The following MTUS2 variants were observed in gnomAD, a reference collection of about 807,000 sequenced individuals.
MTUS2 encodes microtubule-associated tumor suppressor candidate 2.
In MTUS2, 40 loss-of-function variants were observed where a neutral mutation model predicts 114.1. The observed-to-expected ratio is 0.35, with a 90% CI of 0.27 to 0.46. The LOEUF (loss-of-function observed/expected upper bound fraction) is 0.46. Ranked by LOEUF, MTUS2 falls within the 20% of genes least tolerant of loss-of-function variation. The pLI is 1.00. For synonymous variants in MTUS2, 688 were observed against 672.0 expected, an observed-to-expected ratio of 1.02 and a Z score of -0.37; for missense variants, 1,679 against 1,705.4, an observed-to-expected ratio of 0.98 and a Z score of 0.27.
chr13:29,068,003 A>T (rs1036872829), intron 4 of MTUS2, among the ~76,000 whole-genome samples: 2 of 152,198 alleles, frequency 1.3e-5, no homozygotes, highest in African/African-American at 4.8e-5. Flanking sequence ...CCACTGTTTT[A>T]CTTAATTTTA....
intron 2 of MTUS2, among the ~76,000 whole-genome samples, chr13:28,944,698 A>T (rs1430579054): frequency 6.6e-6 from 1 of 152,120 alleles, no homozygotes; most frequent in African/African-American, 2.4e-5. Flanking sequence ...GAAAATTGGA[A>T]CTCATCCTTG....
intron 6 of MTUS2, among the ~76,000 whole-genome samples, chr13:29,297,873 A>G (rs1003161043): frequency 3.3e-5 from 4 of 122,574 alleles, no homozygotes; most frequent in Middle Eastern, 4.5e-3. Context: ...ATGTGTACAC[A>G]CATACACACA....
At chr13:29,050,087 C>T (rs940389545) in intron 4 of MTUS2, among the ~76,000 whole-genome samples, 2 of 152,152 alleles carry the variant, frequency 1.3e-5, no homozygotes, top group African/African-American at 4.8e-5. Flanking sequence ...GGGTCAGAGT[C>T]TCCACCTCCC....
chr13:29,248,196 A>G (rs1896994037), intron 5 of MTUS2, among the ~76,000 whole-genome samples: 2 of 148,078 alleles, frequency 1.4e-5, no homozygotes, highest in Non-Finnish European at 3.0e-5. Flanking sequence ...GAGCTAAGCT[A>G]TGAGGATGCA....
At chr13:28,993,720 G>A (rs189756087) in intron 2 of MTUS2, among the ~76,000 whole-genome samples, 1 of 152,136 alleles carries the variant, frequency 6.6e-6, no homozygotes, top group Admixed American at 6.5e-5. Context: ...GGCTGTACAT[G>A]TGTGGCTTTA....
chr13:29,067,133 C>A (rs961093818), intron 4 of MTUS2, among the ~76,000 whole-genome samples: 1 of 151,982 alleles, frequency 6.6e-6, no homozygotes, highest in Non-Finnish European at 1.5e-5. Context: ...TAGAAATTTC[C>A]AAAATGCTGA....
At chr13:28,954,225 C>T (rs539255850) in intron 2 of MTUS2, among the ~76,000 whole-genome samples, 3 of 152,066 alleles carry the variant, frequency 2.0e-5, no homozygotes, top group Non-Finnish European at 2.9e-5. Flanking sequence ...AATGCAGAAT[C>T]TTTGCTGAAG....
chr13:29,056,851 A>C (rs1238413001), intron 4 of MTUS2, among the ~76,000 whole-genome samples: 1 of 151,950 alleles, frequency 6.6e-6, no homozygotes, highest in African/African-American at 2.4e-5. Context: ...GTCTTCTGCT[A>C]GCTTTGGGGT....
chr13:29,027,331 A>T (rs1886602711), intron 3 of MTUS2, among the ~76,000 whole-genome samples: 1 of 152,236 alleles, frequency 6.6e-6, no homozygotes, highest in African/African-American at 2.4e-5. Context: ...AGTATCTCTT[A>T]TTCGCATGCG....
intron 8 of MTUS2, among the ~76,000 whole-genome samples, chr13:29,377,749 G>A (rs923359192): frequency 6.6e-6 from 1 of 152,096 alleles, no homozygotes; most frequent in Non-Finnish European, 1.5e-5. Flanking sequence ...GCAACTAAAG[G>A]AAAGGAAATG....
intron 5 of MTUS2, among the ~76,000 whole-genome samples, chr13:29,193,208 T>C (rs779648065): frequency 5.1e-4 from 77 of 152,278 alleles, no homozygotes; most frequent in African/African-American, 1.8e-3. Flanking sequence ...CTGACTATAC[T>C]TCTTGTTTTC....
At chr13:29,081,605 A>G (rs1044536374) in intron 4 of MTUS2, among the ~76,000 whole-genome samples, 3 of 150,908 alleles carry the variant, frequency 2.0e-5, no homozygotes, top group Non-Finnish European at 4.4e-5. Context: ...TTACCATTCA[A>G]AGTAATGGCA....
chr13:29,038,580 TC>T (rs1436895519), intron 4 of MTUS2, among the ~76,000 whole-genome samples: 1 of 152,212 alleles, frequency 6.6e-6, no homozygotes, highest in Non-Finnish European at 1.5e-5. Flanking sequence ...TGCTGGGAGA[TC>T]CACTGCTCTC....
rs1286608645 is a variant in MTUS2, at chr13:29,204,149, G to A, written c.2645-77555G>A. Among the ~76,000 whole-genome samples the A allele has an allele frequency of 7.9e-5, 12 of 151,934 alleles. No homozygotes were observed. The East Asian group carries it at 1.4e-3, about 17-fold the overall frequency. ...TACTTTTTGTATTTTTAGTAGAGACGGGGTTTTGCCATATTGGCCAGGCTG... is the reference window on the plus strand; with the variant it reads ...TACTTTTTGTATTTTTAGTAGAGACAGGGTTTTGCCATATTGGCCAGGCTG... On this transcript the variant is annotated intron_variant, in intron 5 of 15. Transcript: ENST00000612955.
chr13:29,422,648 C>CTTTTTTTTTTTT (rs11342823), intron 8 of MTUS2, among the ~76,000 whole-genome samples: 16 of 67,958 alleles, frequency 2.4e-4, no homozygotes, highest in East Asian at 4.7e-4. Context: ...GATTTCTTTT[C>CTTTTTTTTTTTT]TTTTTTTTTT....
chr13:29,192,030 A>T (rs564416300), intron 5 of MTUS2, among the ~76,000 whole-genome samples: 1 of 152,356 alleles, frequency 6.6e-6, no homozygotes, highest in South Asian at 2.1e-4. Context: ...CGTAAGGAGG[A>T]TGTCATAAAT....
At chr13:28,905,726 G>C (rs968732638) in intron 2 of MTUS2, among the ~76,000 whole-genome samples, 1 of 148,500 alleles carries the variant, frequency 6.7e-6, no homozygotes, top group Admixed American at 6.7e-5. Context: ...TTTTTTTGTT[G>C]TGTCTCTGCC....
At chr13:29,250,246 C>T (rs960577135) in intron 5 of MTUS2, among the ~76,000 whole-genome samples, 17 of 152,050 alleles carry the variant, frequency 1.1e-4, no homozygotes, top group African/African-American at 3.6e-4. Context: ...CATTGGCTCT[C>T]GTCTTTCTGC....
rs140284917 is a variant in MTUS2, at chr13:29,026,977, T to G, written c.2205+74T>G. On this transcript the variant is annotated intron_variant, in intron 3 of 15. Coordinates refer to ENST00000612955, the MANE Select transcript of MTUS2 (RefSeq NM_001033602.4). ...TCTGTGACATATTTTCAATGAGTTA[T>G]GAAAGTAAAATGTCCTCTTTAAGTG... The G allele has an allele frequency of 2.0e-5, 28 of 1,422,318 alleles. No homozygotes were observed. In the East Asian group the frequency reaches 6.4e-4, roughly 33 times the overall value. 88.1% of individuals were successfully genotyped at this position (1,422,318 alleles called of 1,614,324 possible).
Sources: allele counts gnomAD v4.1 joint callset (sites outside exome capture counted in the v4.1 genomes callset), GRCh38; gene constraint gnomAD v4.1.1; transcripts MANE v1.5; gene names NCBI Gene and HGNC (gene_info 2026-07-23, HGNC 2026-07-21).